FIP1L1: variants seen among roughly 807,000 people sequenced by gnomAD.
FIP1L1 encodes factor interacting with PAPOLA and CPSF1, also known as pre-mRNA 3'-end-processing factor FIP1.
FIP1L1 carries 21 observed loss-of-function variants against 84.6 expected under a neutral mutation model. The ratio of observed to expected loss-of-function variants is 0.25; its 90% CI spans 0.18 to 0.36. The LOEUF (loss-of-function observed/expected upper bound fraction) is 0.36, where lower values mean the gene tolerates loss of function less well. Among genes scored for constraint, FIP1L1 ranks in the 10% least tolerant of loss-of-function variants. The probability of loss-of-function intolerance (pLI) is 1.00; values close to 1 mark genes in which losing one functional copy is unlikely to be tolerated. For synonymous variants in FIP1L1, 263 were observed against 242.3 expected (o/e 1.09, Z -0.80); for missense variants, 526 against 751.1 (o/e 0.70, Z 3.50).
At chr4:53,426,246 T>A (rs1764293527) in intron 12 of FIP1L1, among the ~76,000 whole-genome samples, 2 of 152,146 alleles carry the variant, frequency 1.3e-5, no homozygotes, top group Non-Finnish European at 2.9e-5. Context: ...TGTATCAGAT[T>A]TTGAAATGTT....
At chr4:53,405,630 C>T (rs1404822337) in intron 10 of FIP1L1, among the ~76,000 whole-genome samples, 1 of 145,900 alleles carries the variant, frequency 6.9e-6, no homozygotes, top group Non-Finnish European at 1.5e-5. Context: ...TTGATTCTTC[C>T]TACCCATGAG....
chr4:53,389,941 C>CT (rs139795310), intron 6 of FIP1L1, 68 bp downstream of exon 6: 4,892 of 1,080,256 alleles, frequency 4.5e-3, no homozygotes, highest in Non-Finnish European at 4.8e-3. Context: ...GTCTTAATAG[C>CT]TTTTTTTTTT....
chr4:53,425,311 G>A lies in FIP1L1; in HGVS notation c.924-561G>A, dbSNP rs559784452. On this transcript the variant is annotated intron_variant, in intron 11 of 17. Coordinates refer to ENST00000337488, the MANE Select transcript of FIP1L1 (RefSeq NM_030917.4). ...TATAAACTTTAAAAAGATTGTAGAG[G>A]TGAGGCGGGTATTTAAATATTTGAA... Among the ~76,000 whole-genome samples, 187 of 152,112 alleles carry A rather than the reference G, an allele frequency of 1.2e-3. 1 individual carries two copies. The highest frequency in any genetic ancestry group is 2.2e-4 in the Non-Finnish European group (15 of 67,902).
In FIP1L1 at chr4:53,460,843, T is replaced by C; in HGVS notation, c.*1394T>C. 1.4e-6 allele frequency: 2 copies of C among 1,387,264 alleles called. No individual in the cohort carries two copies. The highest frequency in any genetic ancestry group is 2.7e-5 in the South Asian group (2 of 75,426). The allele number at this position is 1,387,264 out of a possible 1,614,324, so 85.9% of individuals were successfully genotyped here. A position where few individuals can be genotyped will look rare whatever the true frequency, so the allele number is the denominator to read the frequency against. On this transcript the variant is annotated 3_prime_UTR_variant, in exon 18 of 18. Coordinates refer to ENST00000337488, the MANE Select transcript of FIP1L1 (RefSeq NM_030917.4). ...TAAATATAAAAACTGACAAGATAAA[T>C]ATAGTGTTTCAACTTCTTAGCCTAT...
At chr4:53,408,882 A>G (rs1379320599) in intron 10 of FIP1L1, among the ~76,000 whole-genome samples, 1 of 152,030 alleles carries the variant, frequency 6.6e-6, no homozygotes, top group Non-Finnish European at 1.5e-5. Flanking sequence ...TGGTTATTCT[A>G]GTTATACATT....
At chr4:53,450,636 G>A (rs1035493406) in intron 15 of FIP1L1, among the ~76,000 whole-genome samples, 2 of 152,198 alleles carry the variant, frequency 1.3e-5, no homozygotes, top group African/African-American at 4.8e-5. Context: ...AGTGAGCACT[G>A]TTCTGTAGCC....
chr4:53,390,186 T>C (rs1398803674), intron 6 of FIP1L1, among the ~76,000 whole-genome samples: 1 of 152,144 alleles, frequency 6.6e-6, no homozygotes. Flanking sequence ...GTGATCTACC[T>C]GCCTTGGCCT....
intron 10 of FIP1L1, among the ~76,000 whole-genome samples, chr4:53,400,927 T>C (rs918429893): frequency 7.2e-5 from 11 of 152,352 alleles, no homozygotes; most frequent in African/African-American, 2.4e-4. Context: ...AGGTTAACTT[T>C]CATTCATTGA....
chr4:53,419,562 T>A (rs1230348650), intron 11 of FIP1L1, among the ~76,000 whole-genome samples: 2 of 152,228 alleles, frequency 1.3e-5, no homozygotes, highest in East Asian at 3.9e-4. Context: ...CATCTCAGCC[T>A]CCCGAGTAGC....
chr4:53,391,454 A>G lies in FIP1L1; in HGVS notation c.661A>G (p.Thr221Ala). The part of the protein sequence containing the change: ...ITAEDCTMEV[T>A]PGAEIQDGRF... ...GGCCGAAGACTGTACTATGGAAGTT[A>G]CACCAGGTGCAGAGATCCAAGATGG... is the stretch of plus-strand genomic sequence containing the variant. Residue 221 changes from threonine (T) to alanine (A), a missense_variant, in exon 9 of 18, where the codon ACA (threonine) becomes GCA (alanine). Thr to Ala is a moderately conservative substitution (Grantham distance 58). Around this residue, in one of 6 missense-constraint regions of FIP1L1, gnomAD observed 169 missense variants for 206.9 expected, o/e 0.82. Coordinates refer to ENST00000337488, the MANE Select transcript of FIP1L1 (RefSeq NM_030917.4). 3 of 1,613,388 alleles carry G rather than the reference A, an allele frequency of 1.9e-6. No homozygotes were observed. Among genetic ancestry groups the G allele is most frequent in the Non-Finnish European group, 1.7e-6 (2 of 1,179,400 alleles).
rs1721456340 is a variant in FIP1L1, at chr4:53,459,796, C to T, written c.*347C>T. 3.2e-6 allele frequency: 1 copy of T among 316,848 alleles called. No individual in the cohort carries two copies. Among genetic ancestry groups the T allele is most frequent in the South Asian group, 4.9e-5 (1 of 20,468 alleles). The allele number at this position is 316,848 out of a possible 1,614,324, so 19.6% of individuals were successfully genotyped here. On this transcript the variant is annotated 3_prime_UTR_variant, in exon 18 of 18. Transcript: ENST00000337488. ...CTTGGGCCACAGTTTTTTTGTTAAT[C>T]AAACACCACTCTCTTAAGAGGCTGC...
rs557686801 is a variant in FIP1L1 at position 53,460,150 on chromosome 4, G to C, written c.*701G>C. On this transcript the variant is annotated 3_prime_UTR_variant, in exon 18 of 18. Coordinates refer to ENST00000337488, the MANE Select transcript of FIP1L1 (RefSeq NM_030917.4). ...TTTAAATCGCCTCATGACCATGTCT[G>C]TGAGCCAGGGTCAAGCTGGTTTGGC... 1.4e-4 allele frequency: 27 copies of C among 199,056 alleles called. No individual in the cohort carries two copies. Among genetic ancestry groups the C allele is most frequent in the African/African-American group, 5.5e-4 (24 of 43,588 alleles). The allele number at this position is 199,056 out of a possible 1,614,324, so 12.3% of individuals were successfully genotyped here. A position where few individuals can be genotyped will look rare whatever the true frequency, so the allele number is the denominator to read the frequency against.
chr4:53,400,346 G>A (rs182144426), intron 10 of FIP1L1, among the ~76,000 whole-genome samples: 2 of 152,284 alleles, frequency 1.3e-5, no homozygotes, highest in East Asian at 3.9e-4. Context: ...GGTATCAGAT[G>A]TAAGAGGCAA....
chr4:53,420,665 T>C (rs775781899), intron 11 of FIP1L1, among the ~76,000 whole-genome samples: 4 of 152,192 alleles, frequency 2.6e-5, no homozygotes, highest in Non-Finnish European at 2.9e-5. Context: ...ATAAATTGTG[T>C]ATATACTGTA....
intron 11 of FIP1L1, among the ~76,000 whole-genome samples, chr4:53,415,057 A>G (rs1478004216): frequency 2.0e-5 from 3 of 151,992 alleles, no homozygotes; most frequent in Non-Finnish European, 2.9e-5. Flanking sequence ...GCTTTTCACT[A>G]CTTATCGAAT....
chr4:53,383,727 A>T lies in FIP1L1; in HGVS notation c.229-46A>T, dbSNP rs573336752. ...TTTTAGTTATTAGTATTAGATGTTG[A>T]AATGGATTACTGAATGTATTTTATA... On this transcript the variant is annotated intron_variant, in intron 4 of 17. Coordinates refer to ENST00000337488, the MANE Select transcript of FIP1L1 (RefSeq NM_030917.4). The T allele has an allele frequency of 5.9e-6, 9 of 1,528,686 alleles. No individual in the cohort carries two copies. The South Asian group carries it at 9.8e-5, about 17-fold the overall frequency. 94.7% of individuals were successfully genotyped at this position (1,528,686 alleles called of 1,614,324 possible). A position where few individuals can be genotyped will look rare whatever the true frequency, so the allele number is the denominator to read the frequency against.
chr4:53,403,039 C>T (rs1347775986), intron 10 of FIP1L1, among the ~76,000 whole-genome samples: 3 of 152,004 alleles, frequency 2.0e-5, no homozygotes, highest in Non-Finnish European at 2.9e-5. Context: ...AAATAAGAGG[C>T]CATTGGAAGG....
chr4:53,412,040 AT>A (rs1274606874), intron 10 of FIP1L1, among the ~76,000 whole-genome samples: 2 of 152,168 alleles, frequency 1.3e-5, no homozygotes, highest in African/African-American at 4.8e-5. Context: ...ATTGAAAAAA[AT>A]AAAGTTTTAT....
At chr4:53,421,821 C>T (rs1227252960) in intron 11 of FIP1L1, among the ~76,000 whole-genome samples, 1 of 152,158 alleles carries the variant, frequency 6.6e-6, no homozygotes, top group African/African-American at 2.4e-5. Context: ...AAACTCTGGA[C>T]TTTTGCCTGG....
Sources: gnomAD v4.1 joint callset for allele counts (sites outside exome capture counted in the v4.1 genomes callset) on GRCh38, gnomAD v4.1.1 for gene constraint, gnomAD v4.1.1 regional missense constraint, MANE v1.5 for transcripts, NCBI Gene and HGNC (gene_info 2026-07-23, HGNC 2026-07-21) for gene names.